The following KAT5 variants were observed in gnomAD, a reference collection of about 807,000 sequenced individuals.
KAT5 encodes the protein lysine acetyltransferase 5, also known as histone acetyltransferase KAT5.
KAT5 carries 31 observed loss-of-function variants against 68.1 expected under a neutral mutation model. The observed-to-expected ratio is 0.46, with a 90% CI of 0.34 to 0.61. KAT5 has a LOEUF of 0.61. KAT5 is among the 20% of genes least tolerant of loss of function. The probability of loss-of-function intolerance (pLI) is 0.01; values close to 1 mark genes in which losing one functional copy is unlikely to be tolerated. For synonymous variants in KAT5, 365 were observed against 292.6 expected (o/e 1.25, Z -2.52); for missense variants, 451 against 725.5 (o/e 0.62, Z 4.35).
intron 6 of KAT5, 39 bp downstream of exon 6, chr11:65,713,887 G>A (rs774568647): frequency 2.0e-6 from 3 of 1,520,170 alleles, no homozygotes; most frequent in East Asian, 2.4e-5. Flanking sequence ...TGGGTGAAAA[G>A]GAAGGGATGC....
Position 65,714,599 on chromosome 11 carries a change from T to G in KAT5, c.795T>G (p.Ile265Met). The change falls in exon 7 of 13, where the codon ATT (isoleucine) becomes ATG (methionine). Residue 265 changes from isoleucine to methionine, a missense_variant. Physicochemically the swap from Ile to Met is conservative, Grantham distance 10 (BLOSUM62 1). Around this residue, in one of 4 missense-constraint regions of KAT5, gnomAD observed 210 missense variants for 423.7 expected, o/e 0.50. Transcript: ENST00000341318. ...HDDIVTRMKN[I>M]ECIELGRHRL... ...ACATCGTCACCCGGATGAAGAACATTGAGTGCATTGAGCTGGGCCGGCACC... is the reference window on the plus strand; with the variant it reads ...ACATCGTCACCCGGATGAAGAACATGGAGTGCATTGAGCTGGGCCGGCACC... 6.2e-7 allele frequency: 1 copy of G among 1,614,068 alleles called. No individual in the cohort carries two copies.
At chr11:65,715,717 C>T (rs1468126508) in intron 8 of KAT5, among the ~76,000 whole-genome samples, 2 of 151,716 alleles carry the variant, frequency 1.3e-5, no homozygotes, top group Non-Finnish European at 2.9e-5. Context: ...GCCGAGATTG[C>T]ACCACTGCAT....
At chr11:65,713,234 CCTT>C (rs746904986) in intron 3 of KAT5, 111 bp from the exon 4 acceptor site, 2 of 1,326,432 alleles carry the variant, frequency 1.5e-6, no homozygotes, top group Non-Finnish European at 2.1e-6. Context: ...AGTCCTGTGT[CCTT>C]CAGAAGGCGA....
rs1479110981 is a variant in KAT5 at position 65,713,388 on chromosome 11, C to T, written c.425C>T (p.Pro142Leu). The change falls in exon 4 of 13, where the codon CCG (proline) becomes CTG (leucine). Residue 142 changes from proline to leucine, a missense_variant. Physicochemically the swap from Pro to Leu is moderately conservative, Grantham distance 98 (BLOSUM62 -3). Transcript: ENST00000341318. ...AQASGKTLPI[P>L]VQITLRFNLP... ...GCCAGCGGGAAGACCTTGCCAATCC[C>T]GGTCCAGATCACACTCCGCTTCAAC... The T allele has an allele frequency of 3.7e-6, 6 of 1,614,086 alleles. No individual in the cohort carries two copies. The highest frequency in any genetic ancestry group is 1.7e-5 in the Admixed American group (1 of 60,008).
rs1209383091 is a variant in KAT5 at position 65,714,877 on chromosome 11, C to T, written c.996C>T (p.Ile332=). The change falls in exon 8 of 13, where the codon ATC becomes ATT. Residue 332 remains isoleucine (I), a synonymous_variant. Transcript: ENST00000341318. ...ATGAGATTTACCGCAAGGGCACCAT[C>T]TCCTTCTTTGAGATTGATGGACGTA... ...PGNEIYRKGT[I]SFFEIDGRKN... The T allele has an allele frequency of 6.2e-7, 1 of 1,614,232 alleles. No homozygotes were observed. Among genetic ancestry groups the T allele is most frequent in the South Asian group, 1.1e-5 (1 of 91,086 alleles).
In KAT5 at chr11:65,712,965, C is replaced by T. The variant is rs934849995; in HGVS notation, c.291C>T (p.Asp97=). The T allele has an allele frequency of 6.2e-7, 1 of 1,613,952 alleles. No individual in the cohort carries two copies. Among genetic ancestry groups the T allele is most frequent in the African/African-American group, 1.3e-5 (1 of 74,872 alleles). The change falls in exon 3 of 13, where the codon GAC becomes GAT. Residue 97 remains aspartate, a synonymous_variant. Coordinates refer to ENST00000341318, the MANE Select transcript of KAT5 (RefSeq NM_182710.3). ...AATGGGTGACGCATGAGCGGCTGGACCTAAAGAAGATCCAGTTCCCCAAGA... is the reference window on the plus strand; with the variant it reads ...AATGGGTGACGCATGAGCGGCTGGATCTAAAGAAGATCCAGTTCCCCAAGA... The part of the protein sequence containing the change: ...LDEWVTHERL[D]LKKIQFPKKE...
At chr11:65,713,308 A>C in intron 3 of KAT5, 40 bp from the exon 4 acceptor site, 1 of 1,600,944 alleles carries the variant, frequency 6.2e-7, no homozygotes, top group Non-Finnish European at 8.5e-7. Flanking sequence ...TCCCACTGCC[A>C]TCCCCGCCCC....
intron 3 of KAT5, 128 bp downstream of exon 3, chr11:65,713,186 G>A (rs1857082459): frequency 7.3e-7 from 1 of 1,364,820 alleles, no homozygotes; most frequent in Non-Finnish European, 1.0e-6. Flanking sequence ...AAAGGATGGG[G>A]GCCAAATTGC....
At position 65,713,781 on chromosome 11, in the gene KAT5, C is replaced by T. The variant is rs143413716; in HGVS notation, c.623C>T (p.Ala208Val). The change falls in exon 6 of 13, where the codon GCC (alanine) becomes GTC (valine). Residue 208 changes from alanine to valine, a missense_variant. Coordinates refer to ENST00000341318, the MANE Select transcript of KAT5 (RefSeq NM_182710.3). ...TTCCTACTATCTCGGCAGAATGGAG[C>T]CGCCCGTAGGGCAGTGGCAGCCCAG... is the stretch of plus-strand genomic sequence containing the variant. ...APASVFPQNG[A>V]ARRAVAAQPG... The T allele has an allele frequency of 1.9e-6, 3 of 1,611,608 alleles. No homozygotes were observed. The highest frequency in any genetic ancestry group is 2.5e-6 in the Non-Finnish European group (3 of 1,178,838).
Position 65,712,954 on chromosome 11 carries a change from G to A in KAT5, c.280G>A (p.Glu94Lys). The A allele has an allele frequency of 1.2e-6, 2 of 1,614,174 alleles. No individual in the cohort carries two copies. The highest frequency in any genetic ancestry group is 1.1e-5 in the South Asian group (1 of 91,074). Residue 94 changes from glutamate (E) to lysine (K), a missense_variant, in exon 3 of 13, where the codon GAG becomes AAG. Glu to Lys is a moderately conservative substitution (Grantham distance 56). Around this residue, in one of 4 missense-constraint regions of KAT5, gnomAD observed 135 missense variants for 173.4 expected, o/e 0.78. Coordinates refer to ENST00000341318, the MANE Select transcript of KAT5 (RefSeq NM_182710.3). ...NKRLDEWVTH[E>K]RLDLKKIQFP... ...ACGTCTGGATGAATGGGTGACGCAT[G>A]AGCGGCTGGACCTAAAGAAGATCCA...
At chr11:65,716,217 G>A (rs760810245) in intron 8 of KAT5, 21 of 167,028 alleles carry the variant, frequency 1.3e-4, no homozygotes, top group Non-Finnish European at 2.5e-4. Context: ...TAGAATGTTA[G>A]GTTTTTTAAC....
In KAT5 at chr11:65,712,350, C is replaced by T. The variant is rs1176133395; in HGVS notation, c.83C>T (p.Ala28Val). The part of the protein sequence containing the change: ...EVGRARGPPV[A>V]DPGVALSPQG... Reference sequence around the variant, plus strand: ...GGTAGAGCCCGAGGCCCCCCAGTAGCCGACCCTGGCGTCGCGCTGTCTCCC... The same window carrying T: ...GGTAGAGCCCGAGGCCCCCCAGTAGTCGACCCTGGCGTCGCGCTGTCTCCC... The change falls in exon 1 of 13, where the codon GCC (alanine) becomes GTC (valine). Residue 28 changes from alanine (A) to valine (V), a missense_variant. Around this residue, in one of 4 missense-constraint regions of KAT5, gnomAD observed 104 missense variants for 107.3 expected, o/e 0.97. Coordinates refer to ENST00000341318, the MANE Select transcript of KAT5 (RefSeq NM_182710.3). 6 of 1,533,252 alleles carry T rather than the reference C, an allele frequency of 3.9e-6. No homozygotes were observed. Among genetic ancestry groups the T allele is most frequent in the African/African-American group, 1.4e-5 (1 of 70,422 alleles). The allele number at this position is 1,533,252 out of a possible 1,614,324, so 95.0% of individuals were successfully genotyped here.
rs1857293357 is a variant in KAT5, at chr11:65,718,743, C to T, written c.1418C>T (p.Thr473Ile). ...KSESGERPQI[T>I]INEISEITSI... Reference sequence around the variant, plus strand: ...GAGAGCGGGGAGAGGCCACAGATCACCATCAAGTGAGCCTGGCGCTGTCTA... The same window carrying T: ...GAGAGCGGGGAGAGGCCACAGATCATCATCAAGTGAGCCTGGCGCTGTCTA... Residue 473 changes from threonine to isoleucine, a missense_variant, in exon 11 of 13, where the codon ACC (threonine) becomes ATC (isoleucine). Around this residue, in one of 4 missense-constraint regions of KAT5, gnomAD observed 210 missense variants for 423.7 expected, o/e 0.50. Transcript: ENST00000341318. 3 of 1,614,034 alleles carry T rather than the reference C, an allele frequency of 1.9e-6. No homozygotes were observed. The highest frequency in any genetic ancestry group is 2.5e-6 in the Non-Finnish European group (3 of 1,180,014).
intron 10 of KAT5, chr11:65,718,226 T>C: frequency 5.1e-6 from 1 of 195,130 alleles, no homozygotes; most frequent in Non-Finnish European, 1.1e-5. Flanking sequence ...TGTCTCCACT[T>C]CCTTACATGG....
At position 65,719,369 on chromosome 11, in the gene KAT5, A is replaced by G. The variant is rs1857319762; in HGVS notation, c.*188A>G. Reference sequence around the variant, plus strand: ...CAAGGCGAGCTCCGGGCTCAGACCAACTCCAAGGTCAGCTGGCCACAGGCC... The same window carrying G: ...CAAGGCGAGCTCCGGGCTCAGACCAGCTCCAAGGTCAGCTGGCCACAGGCC... On this transcript the variant is annotated 3_prime_UTR_variant, in exon 13 of 13. Coordinates refer to ENST00000341318, the MANE Select transcript of KAT5 (RefSeq NM_182710.3). The G allele has an allele frequency of 1.4e-6, 1 of 706,206 alleles. No homozygotes were observed. The highest frequency in any genetic ancestry group is 1.8e-5 in the African/African-American group (1 of 55,632). 43.7% of individuals were successfully genotyped at this position (706,206 alleles called of 1,614,324 possible).
At chr11:65,718,344 C>G in intron 10 of KAT5, 1 of 472,710 alleles carries the variant, frequency 2.1e-6, no homozygotes, top group Non-Finnish European at 3.8e-6. Context: ...TCTGATCACC[C>G]TCATGGTTGA....
rs533513209 is a variant in KAT5 at position 65,719,580 on chromosome 11, G to A, written c.*399G>A. 3 of 660,444 alleles carry A rather than the reference G, an allele frequency of 4.5e-6. No homozygotes were observed. Among genetic ancestry groups the A allele is most frequent in the East Asian group, 2.7e-5 (1 of 36,822 alleles). 40.9% of individuals were successfully genotyped at this position (660,444 alleles called of 1,614,324 possible). Reference sequence around the variant, plus strand: ...GGCTTCTCTTACCCCTATTGCCCCCGGCAATAAATTGTTTCTATATGCCAG... The same window carrying A: ...GGCTTCTCTTACCCCTATTGCCCCCAGCAATAAATTGTTTCTATATGCCAG... On this transcript the variant is annotated 3_prime_UTR_variant, in exon 13 of 13. Transcript: ENST00000341318.
rs1380777267 is a variant in KAT5 at position 65,713,181 on chromosome 11, A to T, written c.384+123A>T. ...TCACCCTGACTTCATCTTGCAAAGG[A>T]TGGGGGCCAAATTGCACATGTAGCT... On this transcript the variant is annotated intron_variant, in intron 3 of 12. Transcript: ENST00000341318. 1.7e-5 allele frequency: 24 copies of T among 1,388,880 alleles called. No homozygotes were observed. In the Admixed American group the frequency reaches 2.9e-4, roughly 17 times the overall value. 86.0% of individuals were successfully genotyped at this position (1,388,880 alleles called of 1,614,324 possible).
intron 1 of KAT5, 86 bp downstream of exon 1, chr11:65,712,531 G>C: frequency 6.8e-7 from 1 of 1,463,460 alleles, no homozygotes; most frequent in Non-Finnish European, 9.3e-7. Flanking sequence ...AGGGGCGTCT[G>C]GAATTATGGG....
Sources: gnomAD v4.1 joint callset for allele counts (sites outside exome capture counted in the v4.1 genomes callset) on GRCh38, gnomAD v4.1.1 for gene constraint, gnomAD v4.1.1 regional missense constraint, MANE v1.5 for transcripts, NCBI Gene and HGNC (gene_info 2026-07-23, HGNC 2026-07-21) for gene names.